Variants in TUBB6 observed in about 807,000 individuals in gnomAD.
The protein encoded by TUBB6 is tubulin beta 6 class V.
In TUBB6, 18 loss-of-function variants were observed where a neutral mutation model predicts 32.3. The ratio of observed to expected loss-of-function variants is 0.56; its 90% confidence interval spans 0.39 to 0.83. The LOEUF (loss-of-function observed/expected upper bound fraction) is 0.83, where lower values mean the gene tolerates loss of function less well. Among genes scored for constraint, TUBB6 ranks in the 40% least tolerant of loss-of-function variants. The pLI is 0.00. For synonymous variants in TUBB6, 280 were observed against 265.8 expected (o/e 1.05, Z -0.52); for missense variants, 480 against 632.0 (o/e 0.76, Z 2.58).
At chr18:12,324,931 G>T (rs1377933354) in intron 3 of TUBB6, 136 bp from the exon 4 acceptor site, 2 of 1,493,740 alleles carry the variant, frequency 1.3e-6, no homozygotes, top group Non-Finnish European at 1.8e-6. Flanking sequence ...CCGTTGGTGG[G>T]TGCCTGTTTC....
At chr18:12,329,148 C>CATCT (rs1907427263), downstream of TUBB6, 1 of 702,958 alleles carries the variant, frequency 1.4e-6, no homozygotes. Flanking sequence ...TTTCACAGCC[C>CATCT]ATCTGCACAG....
intron 3 of TUBB6, among the ~76,000 whole-genome samples, chr18:12,311,982 T>C (rs989562685): frequency 2.0e-5 from 3 of 152,126 alleles, no homozygotes; most frequent in African/African-American, 7.2e-5. Context: ...TGAAAAGCAG[T>C]GTCTTCCAAG....
chr18:12,329,518 C>G (rs1907445748), downstream of TUBB6: 1 of 1,576,336 alleles, frequency 6.3e-7, no homozygotes, highest in Non-Finnish European at 8.7e-7. Context: ...AATAATGCAC[C>G]AGCTGAAACC....
intron 3 of TUBB6, among the ~76,000 whole-genome samples, chr18:12,314,727 T>C (rs1335015032): frequency 6.6e-6 from 1 of 152,190 alleles, no homozygotes; most frequent in Non-Finnish European, 1.5e-5. Flanking sequence ...CAGGCATAAA[T>C]GTAGCAGTTT....
At position 12,326,366 on chromosome 18, in the gene TUBB6, C is replaced by T; in HGVS notation, c.*236C>T. On this transcript the variant is annotated 3_prime_UTR_variant, in exon 4 of 4. Transcript: ENST00000317702. ...ACCATGGAGACTTTCTACTAGAGGA[C>T]TTGAAAGAGAACTGAGGGGCCACAA... 1 of 561,776 alleles carries T rather than the reference C, an allele frequency of 1.8e-6. No individual in the cohort carries two copies. The highest frequency in any genetic ancestry group is 3.0e-6 in the Non-Finnish European group (1 of 336,466). The allele number at this position is 561,776 out of a possible 1,614,324, so 34.8% of individuals were successfully genotyped here.
chr18:12,315,359 A>T lies in TUBB6; in HGVS notation c.277+4306A>T, dbSNP rs530830693. Among the ~76,000 whole-genome samples, 220 of 152,342 alleles carry T rather than the reference A, an allele frequency of 1.4e-3. 1 individual carries two copies. Among genetic ancestry groups the T allele is most frequent in the African/African-American group, 4.8e-3 (199 of 41,580 alleles). ...GTTTCTCACTTTGATTTCAGAATAG[A>T]TTCTCAAAAAGCAAAATTACTGGGT... On this transcript the variant is annotated intron_variant, in intron 3 of 3. Transcript: ENST00000317702.
At chr18:12,315,983 G>A (rs987990850) in intron 3 of TUBB6, among the ~76,000 whole-genome samples, 1 of 152,204 alleles carries the variant, frequency 6.6e-6, no homozygotes, top group Non-Finnish European at 1.5e-5. Context: ...GTGTGGTCAC[G>A]GAAAAGGCAG....
chr18:12,325,359 C>A lies in TUBB6; in HGVS notation c.570C>A (p.His190Gln). The part of the protein sequence containing the change: ...VEPYNATLSV[H>Q]QLVENTDETY... ...CCTACAATGCCACACTGTCGGTGCA[C>A]CAGCTGGTGGAGAATACAGACGAGA... Residue 190 changes from histidine to glutamine, a missense_variant, in exon 4 of 4, where the codon CAC (histidine) becomes CAA (glutamine). Physicochemically the swap from His to Gln is conservative, Grantham distance 24 (BLOSUM62 0). Transcript: ENST00000317702. The A allele has an allele frequency of 6.2e-7, 1 of 1,614,200 alleles. No individual in the cohort carries two copies. The highest frequency in any genetic ancestry group is 8.5e-7 in the Non-Finnish European group (1 of 1,180,030).
rs1648264384 is a variant in TUBB6, at chr18:12,325,278, C to T, written c.489C>T (p.Ile163=). ...SKIREEFPDR[I]MNTFSVMPSP... is the part of the protein sequence containing the mutation. ...TCCGTGAGGAGTTCCCGGACCGCAT[C>T]ATGAACACCTTCAGCGTCATGCCCT... Residue 163 remains isoleucine, a synonymous_variant, in exon 4 of 4, where the codon ATC becomes ATT. Coordinates refer to ENST00000317702, the MANE Select transcript of TUBB6 (RefSeq NM_032525.3). 1.2e-6 allele frequency: 2 copies of T among 1,614,110 alleles called. No individual in the cohort carries two copies. The highest frequency in any genetic ancestry group is 2.2e-5 in the East Asian group (1 of 44,894).
At chr18:12,308,929 CT>C in intron 2 of TUBB6, 134 bp downstream of exon 2, 1 of 650,328 alleles carries the variant, frequency 1.5e-6, no homozygotes, top group Non-Finnish European at 2.8e-6. Context: ...ACTCCCTTCG[CT>C]CCTCCGGGGC....
Position 12,308,689 on chromosome 18 carries a change from T to G in TUBB6, c.60T>G (p.Phe20Leu). Residue 20 changes from phenylalanine (F) to leucine (L), a missense_variant and splice_region_variant, in exon 2 of 4, where the codon TTT becomes TTG. Physicochemically the swap from Phe to Leu is conservative, Grantham distance 22. Transcript: ENST00000317702. ...GQCGNQIGTK[F>L]WEVISDEHGI... ...CCCCCCGCCTTGCCCTGCCCAAGTT[T>G]TGGGAAGTGATCAGCGATGAGCACG... The G allele has an allele frequency of 6.2e-7, 1 of 1,607,554 alleles. No homozygotes were observed. The highest frequency in any genetic ancestry group is 8.5e-7 in the Non-Finnish European group (1 of 1,174,732).
chr18:12,329,814 G>T, downstream of TUBB6: 1 of 1,562,082 alleles, frequency 6.4e-7, no homozygotes, highest in South Asian at 1.1e-5. Context: ...ATTAAATACA[G>T]TTACTCAGCA....
In TUBB6 at chr18:12,325,824, T is replaced by C; in HGVS notation, c.1035T>C (p.Ile345=). The change falls in exon 4 of 4, where the codon ATT becomes ATC. Residue 345 remains isoleucine (I), a synonymous_variant. Coordinates refer to ENST00000317702, the MANE Select transcript of TUBB6 (RefSeq NM_032525.3). The part of the protein sequence containing the change: ...SKNSSYFVEW[I]PNNVKVAVCD... ...ACAGCAGCTACTTCGTGGAGTGGAT[T>C]CCCAACAACGTGAAGGTGGCCGTGT... 1 of 1,614,170 alleles carries C rather than the reference T, an allele frequency of 6.2e-7. No homozygotes were observed. The highest frequency in any genetic ancestry group is 8.5e-7 in the Non-Finnish European group (1 of 1,180,030).
Position 12,325,775 on chromosome 18 carries a change from A to G in TUBB6, c.986A>G (p.Gln329Arg). The change falls in exon 4 of 4, where the codon CAG (glutamine) becomes CGG (arginine). Residue 329 changes from glutamine (Q) to arginine (R), a missense_variant. By Grantham distance (43) the Gln-to-Arg change is conservative (BLOSUM62 1). Transcript: ENST00000317702. ...ATGTCCATGAAGGAGGTGGACGAGC[A>G]GATGCTGGCCATCCAGAGTAAGAAC... ...GPMSMKEVDE[Q>R]MLAIQSKNSS... 2 of 1,614,244 alleles carry G rather than the reference A, an allele frequency of 1.2e-6. No individual in the cohort carries two copies. Among genetic ancestry groups the G allele is most frequent in the Admixed American group, 1.7e-5 (1 of 60,032 alleles).
intron 3 of TUBB6, among the ~76,000 whole-genome samples, chr18:12,321,606 G>A (rs8092506): frequency 0.69 from 105,669 of 152,044 alleles, 37,722 homozygotes; most frequent in Non-Finnish European, 0.78. Flanking sequence ...ACCTGCCCAC[G>A]TGAAACCAGA....
rs1568127598 is a variant in TUBB6, at chr18:12,325,416, C to T, written c.627C>T (p.Asp209=). 6.2e-6 allele frequency: 10 copies of T among 1,614,138 alleles called. No homozygotes were observed. Among genetic ancestry groups the T allele is most frequent in the African/African-American group, 1.3e-5 (1 of 74,944 alleles). ...GCATCGACAACGAGGCGCTCTATGACATCTGCTTCCGCACTCTGAAGCTGA... is the reference window on the plus strand; with the variant it reads ...GCATCGACAACGAGGCGCTCTATGATATCTGCTTCCGCACTCTGAAGCTGA... ...TYCIDNEALY[D]ICFRTLKLTT... Residue 209 remains aspartate, a synonymous_variant, in exon 4 of 4, where the codon GAC becomes GAT. Transcript: ENST00000317702.
In TUBB6 at chr18:12,325,584, C is replaced by G. The variant is rs1240857138; in HGVS notation, c.795C>G (p.Phe265Leu). The change falls in exon 4 of 4, where the codon TTC (phenylalanine) becomes TTG (leucine). Residue 265 changes from phenylalanine (F) to leucine (L), a missense_variant. Coordinates refer to ENST00000317702, the MANE Select transcript of TUBB6 (RefSeq NM_032525.3). ...TGGTGCCCTTCCCGCGCCTGCACTT[C>G]TTCATGCCTGGCTTCGCGCCGCTCA... Reference protein sequence around the residue: ...VNMVPFPRLHFFMPGFAPLTS... With the variant: ...VNMVPFPRLHLFMPGFAPLTS... The G allele has an allele frequency of 3.1e-6, 5 of 1,613,930 alleles. No homozygotes were observed. Among genetic ancestry groups the G allele is most frequent in the Non-Finnish European group, 4.2e-6 (5 of 1,180,026 alleles).
downstream of TUBB6, chr18:12,329,675 C>T: frequency 1.2e-6 from 2 of 1,614,168 alleles, no homozygotes; most frequent in Admixed American, 1.7e-5. Flanking sequence ...CTGCCAGTGC[C>T]TTCCACAAAT....
chr18:12,329,115 T>A, downstream of TUBB6: 1 of 702,894 alleles, frequency 1.4e-6, no homozygotes, highest in East Asian at 2.7e-5. Context: ...AATTAAAATG[T>A]TCTTATCAAG....
Sources: allele counts gnomAD v4.1 joint callset (sites outside exome capture counted in the v4.1 genomes callset), GRCh38; gene constraint gnomAD v4.1.1; transcripts MANE v1.5; gene names NCBI Gene and HGNC (gene_info 2026-07-23, HGNC 2026-07-21).